The following KHDRBS2 variants were observed in gnomAD, a reference collection of about 807,000 sequenced individuals.
KHDRBS2 encodes the protein KH domain-containing, RNA-binding, signal transduction-associated protein 2.
KHDRBS2 carries 26 observed loss-of-function variants against 44.3 expected under a neutral mutation model. The ratio of observed to expected loss-of-function variants is 0.59; its 90% confidence interval spans 0.43 to 0.81. The LOEUF is 0.81. Among genes scored for constraint, KHDRBS2 ranks in the 40% least tolerant of loss-of-function variants. The pLI is 0.00. For synonymous variants in KHDRBS2, 194 were observed against 151.1 expected (o/e 1.28, Z -2.08); for missense variants, 476 against 433.1 (o/e 1.10, Z -0.88).
chr6:62,194,480 C>CTTTTTTTTTTTTTTTTTTT lies in KHDRBS2; in HGVS notation c.92-17187_92-17169dup, dbSNP rs70996208. On this transcript the variant is annotated intron_variant, in intron 1 of 8. Transcript: ENST00000281156. ...CACTTTCTTTTCTTTTCTTTTCTTC[C>CTTTTTTTTTTTTTTTTTTT]TTTTTTTTTTTTTTTTTTTTTTTTT... Among the ~76,000 whole-genome samples the CTTTTTTTTTTTTTTTTTTT allele has an allele frequency of 1.9e-4, 13 of 69,774 alleles. 1 individual carries two copies. The highest frequency in any genetic ancestry group is 4.0e-4 in the East Asian group (1 of 2,482). The allele number at this position is 69,774 out of a possible 152,430, so 45.8% of individuals were successfully genotyped here.
At chr6:61,611,661 G>C in the KHDRBS2 span, among the ~76,000 whole-genome samples, 1 of 151,980 alleles carries the variant, frequency 6.6e-6, no homozygotes, top group Non-Finnish European at 1.5e-5. Context: ...CAAAATTTCA[G>C]CTTTTATTTT....
chr6:61,558,141 C>G, the KHDRBS2 span, among the ~76,000 whole-genome samples: 3 of 151,846 alleles, frequency 2.0e-5, no homozygotes, highest in East Asian at 3.9e-4. Flanking sequence ...ATGCACTGAT[C>G]TTTATTATTT....
chr6:61,652,936 CTCTGAG>C, the KHDRBS2 span, among the ~76,000 whole-genome samples: 20 of 152,098 alleles, frequency 1.3e-4, no homozygotes, highest in Non-Finnish European at 2.5e-4. Context: ...GACTGCAAAG[CTCTGAG>C]TCTAATTGGG....
chr6:61,769,717 T>C (rs550505015), intron 6 of KHDRBS2, among the ~76,000 whole-genome samples: 9 of 152,236 alleles, frequency 5.9e-5, no homozygotes, highest in African/African-American at 2.2e-4. Flanking sequence ...CCCACCACAG[T>C]TCAAGGAGGC....
chr6:61,727,407 A>G (rs1697418539), intron 7 of KHDRBS2, among the ~76,000 whole-genome samples: 1 of 152,222 alleles, frequency 6.6e-6, no homozygotes, highest in African/African-American at 2.4e-5. Context: ...AAGCAATTGC[A>G]ACAATGGCAA....
At chr6:62,169,719 T>G (rs1819626346) in intron 2 of KHDRBS2, among the ~76,000 whole-genome samples, 1 of 152,148 alleles carries the variant, frequency 6.6e-6, no homozygotes, top group Non-Finnish European at 1.5e-5. Context: ...CCGGCCCCAC[T>G]GCATTACACC....
At chr6:61,978,290 G>A in intron 3 of KHDRBS2, 78 bp from the exon 4 acceptor site, 2 of 1,158,540 alleles carry the variant, frequency 1.7e-6, no homozygotes, top group South Asian at 1.6e-5. Flanking sequence ...ATATGACAAA[G>A]GTGTATAATT....
intron 1 of KHDRBS2, among the ~76,000 whole-genome samples, chr6:62,264,510 A>G (rs761679175): frequency 6.6e-6 from 1 of 151,784 alleles, no homozygotes; most frequent in African/African-American, 2.4e-5. Flanking sequence ...TGAATCTACA[A>G]AAGAGCATGG....
chr6:61,621,862 C>T, the KHDRBS2 span, among the ~76,000 whole-genome samples: 10 of 152,244 alleles, frequency 6.6e-5, no homozygotes, highest in African/African-American at 2.4e-4. Flanking sequence ...AAATAGCCAT[C>T]AATGAACTGA....
At chr6:61,584,251 TA>T in the KHDRBS2 span, among the ~76,000 whole-genome samples, 1 of 151,844 alleles carries the variant, frequency 6.6e-6, no homozygotes, top group East Asian at 1.9e-4. Flanking sequence ...AGCACAATGT[TA>T]AATAGAAGTG....
the KHDRBS2 span, among the ~76,000 whole-genome samples, chr6:61,602,803 T>A: frequency 1.7e-4 from 26 of 152,160 alleles, no homozygotes; most frequent in African/African-American, 6.0e-4. Context: ...GGTGCCAACT[T>A]AGACAATACT....
chr6:62,197,229 C>T (rs1194067242), intron 1 of KHDRBS2, among the ~76,000 whole-genome samples: 2 of 151,772 alleles, frequency 1.3e-5, no homozygotes, highest in Non-Finnish European at 2.9e-5. Context: ...TTATGTAGTC[C>T]CTAAAATTCC....
At chr6:62,075,718 C>A (rs1350491943) in intron 2 of KHDRBS2, among the ~76,000 whole-genome samples, 2 of 151,854 alleles carry the variant, frequency 1.3e-5, no homozygotes, top group Non-Finnish European at 2.9e-5. Context: ...AGGCTTTATG[C>A]CATGAGCACA....
chr6:62,168,974 G>GA (rs963965115), intron 2 of KHDRBS2, among the ~76,000 whole-genome samples: 1 of 143,552 alleles, frequency 7.0e-6, no homozygotes, highest in African/African-American at 2.6e-5. Flanking sequence ...ATTCAACAAT[G>GA]AAACATAGTA....
chr6:62,236,910 A>AT lies in KHDRBS2; in HGVS notation c.91+48947dup, dbSNP rs202071854. The stretch of plus-strand genomic sequence containing the variant: ...AAATTCATCATTTGGAATTATCTTC[A>AT]TTTTTTTCATACAAAAGAACAATTT... On this transcript the variant is annotated intron_variant, in intron 1 of 8. Transcript: ENST00000281156. Among the ~76,000 whole-genome samples, 1,250 of 152,210 alleles carry AT rather than the reference A, an allele frequency of 8.2e-3. 15 individuals carry two copies. Among genetic ancestry groups the AT allele is most frequent in the African/African-American group, 0.027 (1,136 of 41,540 alleles).
the KHDRBS2 span, among the ~76,000 whole-genome samples, chr6:61,665,861 T>C: frequency 6.6e-6 from 1 of 150,992 alleles, no homozygotes; most frequent in Non-Finnish European, 1.5e-5. Flanking sequence ...TAGATGGTGC[T>C]TAGTTCTGAA....
intron 1 of KHDRBS2, among the ~76,000 whole-genome samples, chr6:62,221,432 C>CT: frequency 6.6e-6 from 1 of 151,864 alleles, no homozygotes; most frequent in Non-Finnish European, 1.5e-5. Flanking sequence ...AAGATTTTTG[C>CT]TAATTGAGTA....
At chr6:62,220,355 T>C (rs1331299237) in intron 1 of KHDRBS2, among the ~76,000 whole-genome samples, 1 of 151,922 alleles carries the variant, frequency 6.6e-6, no homozygotes. Context: ...AAATAGTAGC[T>C]ACATGAGGAA....
At chr6:61,777,506 G>T (rs1297367224) in intron 6 of KHDRBS2, among the ~76,000 whole-genome samples, 2 of 151,938 alleles carry the variant, frequency 1.3e-5, no homozygotes, top group Admixed American at 6.6e-5. Flanking sequence ...TAAACATGAA[G>T]ACAGAGAATG....
Sources: gnomAD v4.1 joint callset for allele counts (sites outside exome capture counted in the v4.1 genomes callset) on GRCh38, gnomAD v4.1.1 for gene constraint, MANE v1.5 for transcripts, NCBI Gene and HGNC (gene_info 2026-07-23, HGNC 2026-07-21) for gene names.